MAST2: variants seen among roughly 807,000 people sequenced by gnomAD.
MAST2 encodes the protein microtubule associated serine/threonine kinase 2.
Under a neutral mutation model 147.4 loss-of-function variants are expected in MAST2, and 70 were observed. The ratio of observed to expected loss-of-function variants is 0.47; its 90% CI spans 0.39 to 0.58. The LOEUF is 0.58. Among genes scored for constraint, MAST2 ranks in the 20% least tolerant of loss-of-function variants. MAST2 has a pLI of 0.00. For missense variants in MAST2, 2,080 were observed against 2,302.3 expected, an observed-to-expected ratio of 0.90 and a Z score of 1.98; for synonymous variants, 869 against 896.8, an observed-to-expected ratio of 0.97 and a Z score of 0.55.
chr1:45,950,905 A>C (rs1245353376), intron 4 of MAST2, among the ~76,000 whole-genome samples: 1 of 152,072 alleles, frequency 6.6e-6, no homozygotes, highest in Non-Finnish European at 1.5e-5. Context: ...AACATGGTCA[A>C]ACCCTGTCTC....
intron 3 of MAST2, among the ~76,000 whole-genome samples, chr1:45,857,001 C>T (rs987069737): frequency 3.9e-5 from 6 of 152,088 alleles, no homozygotes; most frequent in African/African-American, 1.2e-4. Flanking sequence ...GTATCTCAAA[C>T]GTCAAATTTG....
intron 4 of MAST2, among the ~76,000 whole-genome samples, chr1:45,888,372 TA>T (rs1647182547): frequency 1.3e-5 from 2 of 152,162 alleles, no homozygotes; most frequent in South Asian, 2.1e-4. Flanking sequence ...TATTTTATTT[TA>T]TTTTTTTGAG....
At chr1:45,853,585 C>T (rs1262463843) in intron 3 of MAST2, among the ~76,000 whole-genome samples, 1 of 152,068 alleles carries the variant, frequency 6.6e-6, no homozygotes, top group African/African-American at 2.4e-5. Context: ...AACTCCTGAC[C>T]TCAAGTGATC....
chr1:45,826,188 G>C (rs1644786490), intron 2 of MAST2, among the ~76,000 whole-genome samples: 1 of 152,158 alleles, frequency 6.6e-6, no homozygotes, highest in Admixed American at 6.5e-5. Flanking sequence ...CTTTTATCCT[G>C]TGAGGTAATT....
chr1:46,004,178 C>A (rs1645388889), intron 7 of MAST2, among the ~76,000 whole-genome samples: 1 of 151,960 alleles, frequency 6.6e-6, no homozygotes, highest in Admixed American at 6.6e-5. Flanking sequence ...TCGTGGCTAA[C>A]ATGGTGAAAC....
chr1:45,834,747 C>A (rs1278201018), intron 3 of MAST2, among the ~76,000 whole-genome samples: 1 of 152,144 alleles, frequency 6.6e-6, no homozygotes, highest in Admixed American at 6.6e-5. Flanking sequence ...AGCCTATGTT[C>A]TTCTCATCTG....
intron 3 of MAST2, among the ~76,000 whole-genome samples, chr1:45,868,938 A>C (rs981866917): frequency 6.6e-6 from 1 of 152,160 alleles, no homozygotes; most frequent in Non-Finnish European, 1.5e-5. Flanking sequence ...TGTACTCTTC[A>C]GTTTTTAGTA....
chr1:45,874,341 G>C (rs879701283), intron 3 of MAST2, among the ~76,000 whole-genome samples: 2 of 152,120 alleles, frequency 1.3e-5, no homozygotes, highest in Non-Finnish European at 2.9e-5. Context: ...ACGAGGTCAG[G>C]AGATAATGTT....
intron 3 of MAST2, among the ~76,000 whole-genome samples, chr1:45,840,189 G>T (rs981569902): frequency 6.6e-6 from 1 of 152,120 alleles, no homozygotes; most frequent in Non-Finnish European, 1.5e-5. Context: ...ATCTACAAGG[G>T]GGTGGAATGA....
rs78425310 is a variant in MAST2 at position 46,035,823 on chromosome 1, T to C, written c.5154T>C (p.Tyr1718=). The part of the protein sequence containing the change: ...PSAPRLAHPS[Y]EDPSQGWLWE... ...CCCCCAGACTGGCCCATCCATCTTA[T>C]GAGGATCCCAGCCAGGGCTGGCTAT... Residue 1718 remains tyrosine (Y), a synonymous_variant, in exon 29 of 29, where the codon TAT becomes TAC. Coordinates refer to ENST00000361297, the MANE Select transcript of MAST2 (RefSeq NM_015112.3). The surrounding 1 kb of genome is among the most constrained non-coding windows in gnomAD (Gnocchi z 5.5). 4.6e-4 allele frequency: 739 copies of C among 1,614,024 alleles called. 7 individuals are homozygous for C. In the East Asian group the frequency reaches 0.011, roughly 23 times the overall value.
intron 1 of MAST2, among the ~76,000 whole-genome samples, chr1:45,819,073 G>C (rs192774047): frequency 6.6e-6 from 1 of 152,074 alleles, no homozygotes; most frequent in Admixed American, 6.6e-5. Context: ...GACCAACATG[G>C]TGAAACCTTG....
In MAST2 at chr1:45,850,694, AT is replaced by A. The variant is rs199642236; in HGVS notation, c.468+21116del. ...GTGCCTAGCCAGCTATCCCAGCACT[AT>A]TTATTGAATAGAGTCCTCTCCCCAT... On this transcript the variant is annotated intron_variant, in intron 3 of 28. Transcript: ENST00000361297. Among the ~76,000 whole-genome samples the A allele has an allele frequency of 2.9e-3, 443 of 152,228 alleles. 2 individuals are homozygous for A. The highest frequency in any genetic ancestry group is 0.02 in the East Asian group (104 of 5,182).
At chr1:45,919,306 T>TG (rs912270401) in intron 4 of MAST2, among the ~76,000 whole-genome samples, 1 of 151,972 alleles carries the variant, frequency 6.6e-6, no homozygotes, top group African/African-American at 2.4e-5. Context: ...TTTTAGAGGT[T>TG]GGGGCGATAG....
chr1:45,958,542 C>G (rs1192893197), intron 4 of MAST2, among the ~76,000 whole-genome samples: 2 of 151,064 alleles, frequency 1.3e-5, no homozygotes, highest in Non-Finnish European at 3.0e-5. Context: ...CCCTCTATCC[C>G]CCTCTCCCCC....
At chr1:45,938,612 C>A (rs1656651809) in intron 4 of MAST2, among the ~76,000 whole-genome samples, 1 of 152,220 alleles carries the variant, frequency 6.6e-6, no homozygotes, top group South Asian at 2.1e-4. Context: ...CAGGTGTCAG[C>A]CACTGCGCCC....
intron 5 of MAST2, among the ~76,000 whole-genome samples, chr1:45,997,173 T>C (rs995797795): frequency 2.0e-5 from 3 of 152,208 alleles, no homozygotes; most frequent in African/African-American, 7.2e-5. Context: ...GAAATGGCGG[T>C]ATGCTTTGTA....
chr1:45,971,584 C>T (rs1643915775), intron 5 of MAST2, among the ~76,000 whole-genome samples: 1 of 152,160 alleles, frequency 6.6e-6, no homozygotes, highest in South Asian at 2.1e-4. Flanking sequence ...CTGCAGTGTG[C>T]CTCCAATACC....
chr1:46,001,524 C>T (rs1182864740), intron 6 of MAST2, among the ~76,000 whole-genome samples: 5 of 152,120 alleles, frequency 3.3e-5, no homozygotes, highest in Non-Finnish European at 7.4e-5. Context: ...TGTGGTGCTC[C>T]CAGGACCCAG....
chr1:45,832,663 C>T (rs190461610), intron 3 of MAST2, among the ~76,000 whole-genome samples: 1 of 152,322 alleles, frequency 6.6e-6, no homozygotes, highest in East Asian at 1.9e-4. Context: ...CACCATGATA[C>T]AGCTGAATAT....
Sources: gnomAD v4.1 joint callset for allele counts (sites outside exome capture counted in the v4.1 genomes callset) on GRCh38, gnomAD v4.1.1 for gene constraint, Gnocchi (gnomAD v3.1) non-coding constraint, MANE v1.5 for transcripts, NCBI Gene and HGNC (gene_info 2026-07-23, HGNC 2026-07-21) for gene names.